SVEP1: variants seen among roughly 807,000 people sequenced by gnomAD.
The protein encoded by SVEP1 is sushi, von Willebrand factor type A, EGF and pentraxin domain-containing protein 1.
In SVEP1, 164 loss-of-function variants were observed where a neutral mutation model predicts 367.3. The observed-to-expected ratio is 0.45, with a 90% CI of 0.39 to 0.51. The LOEUF (loss-of-function observed/expected upper bound fraction) is 0.51, where lower values mean the gene tolerates loss of function less well. Ranked by LOEUF, SVEP1 falls within the 20% of genes least tolerant of loss-of-function variation. The pLI, the probability that SVEP1 is intolerant of heterozygous loss-of-function variation, is 0.00. For synonymous variants in SVEP1, 1,666 were observed against 1,611.6 expected, an observed-to-expected ratio of 1.03 and a Z score of -0.81; for missense variants, 4,117 against 4,425.3, an observed-to-expected ratio of 0.93 and a Z score of 1.98.
intron 17 of SVEP1, among the ~76,000 whole-genome samples, chr9:110,466,243 T>C (rs1828934915): frequency 6.6e-6 from 1 of 152,188 alleles, no homozygotes; most frequent in Non-Finnish European, 1.5e-5. Flanking sequence ...ACTTCCATTA[T>C]GACCTTTTAC....
intron 37 of SVEP1, among the ~76,000 whole-genome samples, chr9:110,410,796 GAAAGCCACAGAGCATTTGCTA>G: frequency 6.6e-6 from 1 of 152,286 alleles, no homozygotes; most frequent in East Asian, 1.9e-4. Flanking sequence ...TGTAAGTGAT[GAAAGCCACAGAGCATTTGCTA>G]ATTAGTCTCT....
At chr9:110,390,067 A>ACTTATATATATATATACT (rs1564127165) in intron 40 of SVEP1, among the ~76,000 whole-genome samples, 2 of 138,802 alleles carry the variant, frequency 1.4e-5, no homozygotes, top group East Asian at 4.1e-4. Flanking sequence ...ATATATAAGT[A>ACTTATATATATATATACT]TATATATATA....
At chr9:110,424,898 T>G (rs550114164) in intron 36 of SVEP1, among the ~76,000 whole-genome samples, 261 of 152,348 alleles carry the variant, frequency 1.7e-3, no homozygotes, top group African/African-American at 6.0e-3. Context: ...GGTCTTGAAC[T>G]CCTGACCTCA....
At chr9:110,546,087 A>T in intron 3 of SVEP1, 28 bp downstream of exon 3, 1 of 1,549,620 alleles carries the variant, frequency 6.5e-7, no homozygotes, top group Non-Finnish European at 8.7e-7. Context: ...AGCAACAGAC[A>T]ACTGATATAC....
At position 110,483,615 on chromosome 9, in the gene SVEP1, C is replaced by T; in HGVS notation, c.2009G>A (p.Trp670Ter). 6.2e-7 allele frequency: 1 copy of T among 1,612,694 alleles called. No individual in the cohort carries two copies. Among genetic ancestry groups the T allele is most frequent in the Non-Finnish European group, 8.5e-7 (1 of 1,179,272 alleles). ...GTTGTCTGAGAACTGAGGCTCATCCCAGCTTGCGGCATGTACCTTCTCCGA... is the reference window on the plus strand; with the variant it reads ...GTTGTCTGAGAACTGAGGCTCATCCTAGCTTGCGGCATGTACCTTCTCCGA... ...QVSEKVHAASWDEPQFSDNSG... is the reference protein window; with the variant it reads ...QVSEKVHAAS The change falls in exon 10 of 48, where the codon TGG becomes TAG. Residue 670 changes from tryptophan to a stop codon, truncating the protein, a stop_gained. Transcript: ENST00000374469. LOFTEE classifies it high-confidence loss of function.
intron 5 of SVEP1, among the ~76,000 whole-genome samples, chr9:110,507,006 T>C (rs189288629): frequency 4.5e-4 from 69 of 152,244 alleles, no homozygotes; most frequent in African/African-American, 1.6e-3. Context: ...TCAGAAGGCA[T>C]GCACATTCCA....
In SVEP1 at chr9:110,395,217, A is replaced by C. The variant is rs964623105; in HGVS notation, c.9823-5630T>G. Among the ~76,000 whole-genome samples the C allele has an allele frequency of 2.0e-5, 3 of 152,304 alleles. No individual in the cohort carries two copies. The South Asian group carries it at 6.2e-4, about 32-fold the overall frequency. ...AATATTCAACATTCTTAAAGAAAAG[A>C]ATTTTCAACCCAGAATTTCATATCC... On this transcript the variant is annotated intron_variant, in intron 40 of 47. Transcript: ENST00000374469.
rs1827971313 is a variant in SVEP1, at chr9:110,407,340, A to C, written c.8260T>G (p.Leu2754Val). The change falls in exon 38 of 48, where the codon TTA becomes GTA. Residue 2754 changes from leucine (L) to valine (V), a missense_variant. This residue lies in a region of SVEP1 where 1,765 missense variants were observed against 1,781.1 expected (regional missense o/e 0.99). Transcript: ENST00000374469. ...KPGHILAGSD[L>V]RLCLENRKWS... is the part of the protein sequence containing the mutation. The stretch of plus-strand genomic sequence containing the variant: ...TTTCTATTCTCTAGACAAAGCCTTA[A>C]GTCAGAGCCTGCTAGAATGTGTCCA... 6.2e-7 allele frequency: 1 copy of C among 1,613,868 alleles called. No individual in the cohort carries two copies. The highest frequency in any genetic ancestry group is 1.3e-5 in the African/African-American group (1 of 74,934).
intron 40 of SVEP1, among the ~76,000 whole-genome samples, chr9:110,397,124 A>T (rs1360487541): frequency 6.6e-6 from 1 of 152,238 alleles, no homozygotes; most frequent in Non-Finnish European, 1.5e-5. Flanking sequence ...ATCCAGAAGC[A>T]CATCAAAAAG....
rs1373218398 is a variant in SVEP1 at position 110,404,400 on chromosome 9, C to G, written c.9593G>C (p.Ser3198Thr). ...TGACACAGAAACTTGCCTATTCACA[C>G]TGAAATCGTCCCCATGTACAAGTAT... ...THILVHGDDF[S>T]VNRQVSVSCA... The change falls in exon 39 of 48, where the codon AGT becomes ACT. Residue 3198 changes from serine to threonine, a missense_variant. Ser to Thr is a moderately conservative substitution (Grantham distance 58). Transcript: ENST00000374469. 6.2e-7 allele frequency: 1 copy of G among 1,613,890 alleles called. No individual in the cohort carries two copies. The highest frequency in any genetic ancestry group is 8.5e-7 in the Non-Finnish European group (1 of 1,179,896).
In SVEP1 at chr9:110,465,974, C is replaced by A. The variant is rs780701958; in HGVS notation, c.3213G>T (p.Ser1071=). The change falls in exon 18 of 48, where the codon TCG becomes TCT. Residue 1071 remains serine, a synonymous_variant. Coordinates refer to ENST00000374469, the MANE Select transcript of SVEP1 (RefSeq NM_153366.4). ...TTGGCTGATAAGTGCCCAGTGGACA[C>A]GATTCACAAGTCTCAAGTCCACTGT... ...YSYSGLETCE[S]CPLGTYQPKF... is the part of the protein sequence containing the mutation. The A allele has an allele frequency of 6.2e-7, 1 of 1,613,378 alleles. No individual in the cohort carries two copies. Among genetic ancestry groups the A allele is most frequent in the South Asian group, 1.1e-5 (1 of 90,892 alleles).
chr9:110,550,271 A>G (rs1334642415), intron 1 of SVEP1, among the ~76,000 whole-genome samples, 167 bp from the exon 2 acceptor site: 1 of 152,194 alleles, frequency 6.6e-6, no homozygotes, highest in Admixed American at 6.5e-5. Flanking sequence ...GAGAGCCTAC[A>G]ATGATCTTCT....
At chr9:110,544,504 G>C (rs747680150) in intron 3 of SVEP1, among the ~76,000 whole-genome samples, 1 of 152,084 alleles carries the variant, frequency 6.6e-6, no homozygotes, top group Non-Finnish European at 1.5e-5. Flanking sequence ...ATATAATGTA[G>C]AGCACAAGAT....
At chr9:110,452,756 T>A (rs1828712882) in intron 22 of SVEP1, among the ~76,000 whole-genome samples, 1 of 152,340 alleles carries the variant, frequency 6.6e-6, no homozygotes, top group South Asian at 2.1e-4. Flanking sequence ...AATAGGCATA[T>A]TTCTAAACAG....
chr9:110,379,601 A>G (rs1320347347), intron 43 of SVEP1, 84 bp from the exon 44 acceptor site: 3 of 1,393,482 alleles, frequency 2.2e-6, no homozygotes, highest in East Asian at 4.8e-5. Context: ...TGAATTAAAG[A>G]GCAAAAATAA....
rs1261863127 is a variant in SVEP1, at chr9:110,503,066, C to T, written c.1455G>A (p.Gln485=). The T allele has an allele frequency of 1.2e-6, 2 of 1,607,916 alleles. No individual in the cohort carries two copies. The highest frequency in any genetic ancestry group is 1.7e-6 in the Non-Finnish European group (2 of 1,175,432). The change falls in exon 6 of 48, where the codon CAG becomes CAA. Residue 485 remains glutamine, a synonymous_variant. Transcript: ENST00000374469. ...SDKLTCQGNS[Q]WDGPEPRCVE... is the part of the protein sequence containing the mutation. ...CACACCGGGGTTCTGGCCCATCCCA[C>T]TGGCTGTTTCCTTGACAAGTAAGCT...
intron 1 of SVEP1, among the ~76,000 whole-genome samples, chr9:110,561,664 G>A (rs920968389): frequency 6.6e-6 from 1 of 152,084 alleles, no homozygotes; most frequent in Admixed American, 6.6e-5. Flanking sequence ...CACTGTACTA[G>A]GGATTTACCA....
intron 43 of SVEP1, among the ~76,000 whole-genome samples, chr9:110,381,617 G>T (rs188934006): frequency 1.4e-4 from 22 of 152,242 alleles, no homozygotes; most frequent in South Asian, 1.2e-3. Context: ...CCAATTATGT[G>T]ATCAATTTTA....
chr9:110,526,322 T>A (rs894276796), intron 3 of SVEP1, among the ~76,000 whole-genome samples: 4 of 152,056 alleles, frequency 2.6e-5, no homozygotes, highest in African/African-American at 9.7e-5. Context: ...AGAACTCTCA[T>A]AACTTAAAAG....
Sources: gnomAD v4.1 joint callset for allele counts (sites outside exome capture counted in the v4.1 genomes callset) on GRCh38, gnomAD v4.1.1 for gene constraint, gnomAD v4.1.1 regional missense constraint, MANE v1.5 for transcripts, NCBI Gene and HGNC (gene_info 2026-07-23, HGNC 2026-07-21) for gene names.